Variants in KIAA0586 observed in about 807,000 individuals in gnomAD.
KIAA0586 encodes KIAA0586.
A neutral mutation model predicts 169.8 loss-of-function variants in KIAA0586; 144 were observed. That is an observed-to-expected ratio of 0.85 (90% CI 0.74 to 0.97). KIAA0586 has a LOEUF of 0.97. Among genes scored for constraint, KIAA0586 ranks in the 50% least tolerant of loss-of-function variants. The pLI is 0.00. For synonymous variants in KIAA0586, 625 were observed against 612.4 expected, an observed-to-expected ratio of 1.02 and a Z score of -0.30; for missense variants, 1,854 against 1,823.0, an observed-to-expected ratio of 1.02 and a Z score of -0.31.
chr14:58,495,985 G>T (rs1415408976), intron 26 of KIAA0586, among the ~76,000 whole-genome samples: 1 of 151,934 alleles, frequency 6.6e-6, no homozygotes, highest in Admixed American at 6.6e-5. Context: ...TTAAATTTTT[G>T]CCAGTCTGAT....
chr14:58,533,364 C>T (rs551457694), intron 29 of KIAA0586, among the ~76,000 whole-genome samples: 6 of 152,294 alleles, frequency 3.9e-5, no homozygotes, highest in Admixed American at 6.5e-5. Context: ...GGCAAAAAGA[C>T]CTGTACACCA....
At chr14:58,480,467 C>T (rs1222390606) in intron 20 of KIAA0586, among the ~76,000 whole-genome samples, 2 of 151,984 alleles carry the variant, frequency 1.3e-5, no homozygotes, top group Non-Finnish European at 1.5e-5. Flanking sequence ...CTTCCAGTTT[C>T]CTCCTGACAT....
chr14:58,439,543 T>C (rs1290697317), intron 4 of KIAA0586, among the ~76,000 whole-genome samples: 2 of 152,220 alleles, frequency 1.3e-5, no homozygotes, highest in African/African-American at 4.8e-5. Flanking sequence ...GTGACCTCTG[T>C]GGACTGCAAT....
At chr14:58,437,291 A>G (rs1218028367) in intron 4 of KIAA0586, among the ~76,000 whole-genome samples, 2 of 152,240 alleles carry the variant, frequency 1.3e-5, no homozygotes, top group African/African-American at 2.4e-5. Context: ...TTTCACAAAT[A>G]CATGGTGAGT....
chr14:58,537,795 C>A (rs2046391800), intron 29 of KIAA0586, among the ~76,000 whole-genome samples: 2 of 151,938 alleles, frequency 1.3e-5, no homozygotes. Context: ...CTACAGGTGC[C>A]TGCCACCACG....
chr14:58,512,645 G>C lies in KIAA0586; in HGVS notation c.4429+18G>C. On this transcript the variant is annotated intron_variant, in intron 29 of 30. Transcript: ENST00000652326. ...GCAACAAGGTAAGACTTGTTTTTATGTAATAATACAATAGTTTGATACTTG... is the reference window on the plus strand; with the variant it reads ...GCAACAAGGTAAGACTTGTTTTTATCTAATAATACAATAGTTTGATACTTG... 1 of 1,241,796 alleles carries C rather than the reference G, an allele frequency of 8.1e-7. No homozygotes were observed. Among genetic ancestry groups the C allele is most frequent in the Non-Finnish European group, 1.1e-6 (1 of 899,928 alleles). The allele number at this position is 1,241,796 out of a possible 1,614,324, so 76.9% of individuals were successfully genotyped here. A position where few individuals can be genotyped will look rare whatever the true frequency, so the allele number is the denominator to read the frequency against.
chr14:58,508,041 C>T (rs956723150), intron 27 of KIAA0586, among the ~76,000 whole-genome samples: 2 of 152,056 alleles, frequency 1.3e-5, no homozygotes, highest in African/African-American at 2.4e-5. Context: ...ACCTCAGCTT[C>T]CCAAAGTGCT....
intron 26 of KIAA0586, 31 bp downstream of exon 26, chr14:58,492,306 G>A: frequency 2.0e-6 from 3 of 1,523,940 alleles, no homozygotes; most frequent in African/African-American, 2.8e-5. Context: ...CTTTTTTTTG[G>A]TTAGATCTAA....
intron 29 of KIAA0586, among the ~76,000 whole-genome samples, chr14:58,538,277 T>A (rs2046424355): frequency 1.3e-5 from 2 of 152,204 alleles, no homozygotes; most frequent in Non-Finnish European, 2.9e-5. Context: ...AACATTAAAT[T>A]TTCTACAGTA....
chr14:58,429,316 A>G, intron 1 of KIAA0586, 47 bp from the exon 2 acceptor site: 1 of 1,134,198 alleles, frequency 8.8e-7, no homozygotes, highest in Non-Finnish European at 1.3e-6. Context: ...TCTAAAGCTA[A>G]GGATCTGATT....
intron 21 of KIAA0586, among the ~76,000 whole-genome samples, chr14:58,485,805 C>T (rs1479561133): frequency 7.2e-5 from 11 of 152,092 alleles, no homozygotes; most frequent in African/African-American, 4.8e-5. Flanking sequence ...TCTTCTTATC[C>T]TTCCATTACT....
chr14:58,428,821 C>G (rs2037105190), intron 1 of KIAA0586, among the ~76,000 whole-genome samples: 1 of 151,980 alleles, frequency 6.6e-6, no homozygotes, highest in South Asian at 2.1e-4. Context: ...TCACTACTTT[C>G]TTTTCATAGT....
At position 58,484,924 on chromosome 14, in the gene KIAA0586, A is replaced by ATATAAATATATATTTTTT. The variant is rs1566877360; in HGVS notation, c.3145-2082_3145-2081insATAAATATATATTTTTTT. ...TATATATATATATATATATATATAT[A>ATATAAATATATATTTTTT]TTTTTTTTTTTTTTTTTTTTTTTTT... On this transcript the variant is annotated intron_variant, in intron 21 of 30. Coordinates refer to ENST00000652326, the MANE Select transcript of KIAA0586 (RefSeq NM_001329943.3). Among the ~76,000 whole-genome samples the ATATAAATATATATTTTTT allele has an allele frequency of 3.1e-4, 4 of 13,052 alleles. 1 individual carries two copies. The highest frequency in any genetic ancestry group is 5.3e-4 in the Non-Finnish European group (4 of 7,524). The allele number at this position is 13,052 out of a possible 152,430, so 8.6% of individuals were successfully genotyped here.
chr14:58,535,270 A>G (rs1266994646), intron 29 of KIAA0586, among the ~76,000 whole-genome samples: 1 of 152,216 alleles, frequency 6.6e-6, no homozygotes, highest in Non-Finnish European at 1.5e-5. Flanking sequence ...AGTGAGTTGT[A>G]GATAAAGTTG....
intron 7 of KIAA0586, among the ~76,000 whole-genome samples, chr14:58,449,142 A>C (rs1034514221): frequency 2.0e-5 from 3 of 152,218 alleles, no homozygotes; most frequent in Non-Finnish European, 2.9e-5. Flanking sequence ...TGATATACAG[A>C]TCTATATAGT....
chr14:58,467,987 C>T lies in KIAA0586; in HGVS notation c.2442+65C>T, dbSNP rs781452457. 2.8e-4 allele frequency: 285 copies of T among 1,019,884 alleles called. 1 individual carries two copies. Among genetic ancestry groups the T allele is most frequent in the East Asian group, 1.6e-3 (66 of 40,734 alleles). The allele number at this position is 1,019,884 out of a possible 1,614,324, so 63.2% of individuals were successfully genotyped here. Reference sequence around the variant, plus strand: ...AAAATTTTTTTGCTTAACGTTAGTACGGAAATCCATTATATTGCTTCATAA... The same window carrying T: ...AAAATTTTTTTGCTTAACGTTAGTATGGAAATCCATTATATTGCTTCATAA... On this transcript the variant is annotated intron_variant, in intron 16 of 30. Transcript: ENST00000652326.
In KIAA0586 at chr14:58,458,453, T is replaced by A; in HGVS notation, c.1584-20T>A. On this transcript the variant is annotated intron_variant, in intron 11 of 30. Coordinates refer to ENST00000652326, the MANE Select transcript of KIAA0586 (RefSeq NM_001329943.3). The stretch of plus-strand genomic sequence containing the variant: ...GACAGTAAGTGCTAATTTAAGAAAA[T>A]TCCTTTTTCTCTTTTATAGAGAGAT... The A allele has an allele frequency of 7.1e-7, 1 of 1,410,506 alleles. No homozygotes were observed. Among genetic ancestry groups the A allele is most frequent in the Non-Finnish European group, 9.8e-7 (1 of 1,023,168 alleles). 87.4% of individuals were successfully genotyped at this position (1,410,506 alleles called of 1,614,324 possible).
At chr14:58,489,925 T>C (rs1453433334) in intron 24 of KIAA0586, among the ~76,000 whole-genome samples, 1 of 152,162 alleles carries the variant, frequency 6.6e-6, no homozygotes, top group African/African-American at 2.4e-5. Flanking sequence ...ACAATTGATA[T>C]TTATAGTTTT....
intron 1 of KIAA0586, among the ~76,000 whole-genome samples, chr14:58,428,872 C>T (rs1290958290): frequency 6.6e-6 from 1 of 152,030 alleles, no homozygotes; most frequent in African/African-American, 2.4e-5. Flanking sequence ...CTTCTATATT[C>T]CAATTCACTT....
Sources: allele counts gnomAD v4.1 joint callset (sites outside exome capture counted in the v4.1 genomes callset), GRCh38; gene constraint gnomAD v4.1.1; transcripts MANE v1.5; gene names NCBI Gene and HGNC (gene_info 2026-07-23, HGNC 2026-07-21).